The following SHANK2 variants were observed in gnomAD, a reference collection of about 807,000 sequenced individuals.
The protein encoded by SHANK2 is SH3 and multiple ankyrin repeat domains protein 2.
SHANK2 carries 43 observed loss-of-function variants against 133.7 expected under a neutral mutation model. That is an observed-to-expected ratio of 0.32 (90% confidence interval 0.25 to 0.41). The LOEUF (loss-of-function observed/expected upper bound fraction) is 0.41, where lower values mean the gene tolerates loss of function less well. Among genes scored for constraint, SHANK2 ranks in the 10% least tolerant of loss-of-function variants. SHANK2 has a pLI of 1.00. For synonymous variants in SHANK2, 1,017 were observed against 952.8 expected (o/e 1.07, Z -1.24); for missense variants, 1,994 against 2,235.8 (o/e 0.89, Z 2.18).
At chr11:71,102,075 T>C (rs1951724300) in intron 6 of SHANK2, among the ~76,000 whole-genome samples, 2 of 152,160 alleles carry the variant, frequency 1.3e-5, no homozygotes, top group South Asian at 2.1e-4. Context: ...CAGATCTCTT[T>C]TGTGGTGCCT....
At chr11:70,707,520 G>A (rs971584894) in intron 14 of SHANK2, among the ~76,000 whole-genome samples, 1 of 151,972 alleles carries the variant, frequency 6.6e-6, no homozygotes, top group Admixed American at 6.6e-5. Context: ...TGGACAGACA[G>A]AGGCAGGAAG....
intron 10 of SHANK2, among the ~76,000 whole-genome samples, chr11:70,918,508 T>A (rs781852735): frequency 6.6e-6 from 1 of 152,134 alleles, no homozygotes; most frequent in Non-Finnish European, 1.5e-5. Flanking sequence ...TTTAATTGAT[T>A]TTTTATTTTT....
chr11:70,918,935 G>A (rs1168299014), intron 10 of SHANK2, among the ~76,000 whole-genome samples: 3 of 152,136 alleles, frequency 2.0e-5, no homozygotes, highest in African/African-American at 7.2e-5. Context: ...AGGCCAAGGC[G>A]GATGGATCAC....
intron 14 of SHANK2, among the ~76,000 whole-genome samples, chr11:70,721,998 C>T (rs1555029306): frequency 6.6e-6 from 1 of 152,250 alleles, no homozygotes. Flanking sequence ...CCTCATGTGG[C>T]ACTCAAGGTG....
chr11:70,946,731 C>T (rs530311235), intron 10 of SHANK2, among the ~76,000 whole-genome samples: 1 of 148,866 alleles, frequency 6.7e-6, no homozygotes, highest in South Asian at 2.2e-4. Flanking sequence ...ACCAACCCTT[C>T]CCTAGGCTCA....
intron 14 of SHANK2, among the ~76,000 whole-genome samples, chr11:70,719,367 C>T (rs572729629): frequency 1.3e-5 from 2 of 152,340 alleles, no homozygotes; most frequent in East Asian, 1.9e-4. Context: ...CTATCCATGC[C>T]TGCTGCCCCA....
At chr11:70,779,218 C>G (rs2135099414) in intron 14 of SHANK2, among the ~76,000 whole-genome samples, 1 of 151,766 alleles carries the variant, frequency 6.6e-6, no homozygotes, top group South Asian at 2.1e-4. Context: ...GCACATACTT[C>G]ACGGCAGCGA....
intron 15 of SHANK2, among the ~76,000 whole-genome samples, chr11:70,665,637 C>T (rs185596749): frequency 1.5e-3 from 227 of 152,366 alleles, no homozygotes; most frequent in Non-Finnish European, 1.7e-3. Context: ...ATGAACCCAT[C>T]TCACTTTCAC....
In SHANK2 at chr11:70,757,018, G is replaced by A. The variant is rs112655334; in HGVS notation, c.1777+41425C>T. Among the ~76,000 whole-genome samples the A allele has an allele frequency of 3.3e-5, 5 of 152,192 alleles. No individual in the cohort carries two copies. The East Asian group carries it at 5.8e-4, about 18-fold the overall frequency. On this transcript the variant is annotated intron_variant, in intron 14 of 25. Transcript: ENST00000601538. ...ACTAGCAGTTTCCATGATATTGGACGTTTGGCAAGGATTATGGAGGGGAGC... is the reference window on the plus strand; with the variant it reads ...ACTAGCAGTTTCCATGATATTGGACATTTGGCAAGGATTATGGAGGGGAGC...
intron 17 of SHANK2, among the ~76,000 whole-genome samples, chr11:70,537,908 C>T (rs926376061): frequency 1.3e-5 from 2 of 152,186 alleles, no homozygotes; most frequent in African/African-American, 2.4e-5. Context: ...TTATGGGGCA[C>T]GTGCCCTGAG....
chr11:70,895,680 C>A (rs543660416), intron 11 of SHANK2: 8 of 152,526 alleles, frequency 5.2e-5, no homozygotes, highest in Admixed American at 3.3e-4. Flanking sequence ...GGGTCACCAG[C>A]TCTTTGCCTA....
chr11:70,568,078 C>G (rs1554982249), intron 17 of SHANK2, among the ~76,000 whole-genome samples: 1 of 152,224 alleles, frequency 6.6e-6, no homozygotes, highest in South Asian at 2.1e-4. Flanking sequence ...GTGAGGCCAG[C>G]AGCGGGGTGG....
chr11:70,822,634 A>G (rs1409490718), intron 11 of SHANK2, among the ~76,000 whole-genome samples: 61 of 85,208 alleles, frequency 7.2e-4, no homozygotes, highest in Admixed American at 1.0e-3. Context: ...CAGAGGTGGC[A>G]CTGGCAGAGC....
chr11:71,089,316 C>T (rs929490612), intron 8 of SHANK2, among the ~76,000 whole-genome samples: 106 of 152,280 alleles, frequency 7.0e-4, no homozygotes, highest in African/African-American at 2.5e-3. Context: ...GGAACGGGGC[C>T]ATGTCTCAGG....
intron 11 of SHANK2, among the ~76,000 whole-genome samples, chr11:70,847,254 G>A (rs971648863): frequency 7.9e-5 from 12 of 152,180 alleles, no homozygotes; most frequent in Admixed American, 2.6e-4. Flanking sequence ...GCGGGAGGCC[G>A]TCCCTCCTGC....
intron 14 of SHANK2, among the ~76,000 whole-genome samples, chr11:70,713,865 C>G (rs1229865975): frequency 5.3e-5 from 8 of 152,250 alleles, no homozygotes; most frequent in Non-Finnish European, 1.0e-4. Context: ...CAGCGTTGGC[C>G]TCTGCTGTAC....
At position 70,730,032 on chromosome 11, in the gene SHANK2, A is replaced by G. The variant is rs1008583207; in HGVS notation, c.1778-31269T>C. Reference sequence around the variant, plus strand: ...CCCTGCCTCGGTTTTCTCCTTTGTCATGATACCTACCATTGCAGATGTGTC... The same window carrying G: ...CCCTGCCTCGGTTTTCTCCTTTGTCGTGATACCTACCATTGCAGATGTGTC... On this transcript the variant is annotated intron_variant, in intron 14 of 25. Transcript: ENST00000601538. Among the ~76,000 whole-genome samples the G allele has an allele frequency of 9.2e-5, 14 of 152,044 alleles. 1 individual carries two copies. Among genetic ancestry groups the G allele is most frequent in the Admixed American group, 6.5e-5 (1 of 15,278 alleles).
intron 2 of SHANK2, among the ~76,000 whole-genome samples, chr11:71,181,629 G>A (rs561383755): frequency 2.6e-5 from 4 of 152,134 alleles, no homozygotes; most frequent in African/African-American, 9.7e-5. Flanking sequence ...AAAAGAAGCA[G>A]CAGAAGCCTC....
At chr11:70,543,019 G>A (rs554074305) in intron 17 of SHANK2, among the ~76,000 whole-genome samples, 6 of 152,170 alleles carry the variant, frequency 3.9e-5, no homozygotes, top group Non-Finnish European at 5.9e-5. Context: ...GGGCAGGGGC[G>A]GCATGCGCTG....
Sources: gnomAD v4.1 joint callset for allele counts (sites outside exome capture counted in the v4.1 genomes callset) on GRCh38, gnomAD v4.1.1 for gene constraint, MANE v1.5 for transcripts, NCBI Gene and HGNC (gene_info 2026-07-23, HGNC 2026-07-21) for gene names.